Variants in VOPP1 observed in about 807,000 individuals in gnomAD.
VOPP1 encodes VOPP1 WW domain binding protein.
A neutral mutation model predicts 23.5 loss-of-function variants in VOPP1; 8 were observed. That is an observed-to-expected ratio of 0.34 (90% CI 0.20 to 0.61). The LOEUF is 0.61. VOPP1 is among the 20% of genes least tolerant of loss of function. The pLI, the probability that VOPP1 is intolerant of heterozygous loss-of-function variation, is 0.78. For missense variants in VOPP1, 174 were observed against 238.1 expected (o/e 0.73, Z 1.77); for synonymous variants, 83 against 97.3 (o/e 0.85, Z 0.86).
intron 4 of VOPP1, among the ~76,000 whole-genome samples, chr7:55,462,837 T>C (rs988300516): frequency 6.7e-6 from 1 of 148,376 alleles, no homozygotes; most frequent in East Asian, 1.9e-4. Context: ...TTTGTATTTT[T>C]AGTAGAGACG....
intron 1 of VOPP1, among the ~76,000 whole-genome samples, chr7:55,567,121 TC>T (rs1798188397): frequency 6.6e-6 from 1 of 152,228 alleles, no homozygotes. Flanking sequence ...AACTGCCTCT[TC>T]TTTTCCCACT....
At chr7:55,538,139 C>T (rs1796912225) in intron 1 of VOPP1, among the ~76,000 whole-genome samples, 1 of 152,236 alleles carries the variant, frequency 6.6e-6, no homozygotes, top group African/African-American at 2.4e-5. Flanking sequence ...TCCTGCTGAT[C>T]CCCTCTAGAG....
At chr7:55,507,094 C>T (rs1293650510) in intron 2 of VOPP1, among the ~76,000 whole-genome samples, 1 of 152,204 alleles carries the variant, frequency 6.6e-6, no homozygotes, top group East Asian at 1.9e-4. Context: ...GAAGTCCCAG[C>T]CCATACATGT....
chr7:55,571,543 T>G (rs1798354319), intron 1 of VOPP1, among the ~76,000 whole-genome samples: 1 of 152,202 alleles, frequency 6.6e-6, no homozygotes, highest in African/African-American at 2.4e-5. Flanking sequence ...GTGAGAAGTA[T>G]GTGGCCCCAT....
chr7:55,459,290 G>C (rs1791442483), intron 4 of VOPP1, among the ~76,000 whole-genome samples: 1 of 152,088 alleles, frequency 6.6e-6, no homozygotes, highest in African/African-American at 2.4e-5. Context: ...TTTTGTTGAT[G>C]ATTTTTATGC....
intron 4 of VOPP1, among the ~76,000 whole-genome samples, chr7:55,446,525 A>G (rs1475063714): frequency 6.6e-6 from 1 of 152,156 alleles, no homozygotes; most frequent in African/African-American, 2.4e-5. Context: ...AAACAAAATA[A>G]TTTTAGAGCT....
At position 55,500,456 on chromosome 7, in the gene VOPP1, TC is replaced by T. The variant is rs544528650; in HGVS notation, c.114-2767del. Among the ~76,000 whole-genome samples, 14 of 152,270 alleles carry T rather than the reference TC, an allele frequency of 9.2e-5. No homozygotes were observed. The East Asian group carries it at 2.7e-3, about 29-fold the overall frequency. On this transcript the variant is annotated intron_variant, in intron 2 of 4. Coordinates refer to ENST00000285279, the MANE Select transcript of VOPP1 (RefSeq NM_030796.5). The stretch of plus-strand genomic sequence containing the variant: ...AATTCTGCCAACAACCCAAATCAAT[TC>T]GGAGGACTCCAAGCTCCAGGTGAGA...
chr7:55,440,968 G>A (rs550405413), intron 4 of VOPP1, among the ~76,000 whole-genome samples: 10 of 152,116 alleles, frequency 6.6e-5, no homozygotes, highest in African/African-American at 2.2e-4. Context: ...GAACACACCC[G>A]GATGACTCTG....
chr7:55,520,852 A>G (rs1584011744), intron 2 of VOPP1, among the ~76,000 whole-genome samples: 1 of 152,172 alleles, frequency 6.6e-6, no homozygotes, highest in East Asian at 1.9e-4. Flanking sequence ...ATCACAGAAC[A>G]GGGCACAGAA....
chr7:55,521,725 C>A, intron 1 of VOPP1: 1 of 982,836 alleles, frequency 1.0e-6, no homozygotes, highest in Non-Finnish European at 1.2e-6. Context: ...AGGGCCCAGC[C>A]CCACAGGGCA....
downstream of VOPP1, among the ~76,000 whole-genome samples, chr7:55,469,819 G>T (rs1436254071): frequency 6.6e-6 from 1 of 152,204 alleles, no homozygotes; most frequent in African/African-American, 2.4e-5. Flanking sequence ...CCCAGGGATG[G>T]ACACAGTTGT....
intron 4 of VOPP1, among the ~76,000 whole-genome samples, chr7:55,449,435 C>A (rs1243037806): frequency 1.3e-5 from 2 of 152,226 alleles, no homozygotes; most frequent in African/African-American, 4.8e-5. Context: ...GCTTCGGGGC[C>A]TGCCGGTGCC....
At chr7:55,492,505 T>C (rs78616515) in intron 3 of VOPP1, 87 bp from the exon 4 acceptor site, 19,888 of 1,443,056 alleles carry the variant, frequency 0.014, 168 homozygotes, top group Middle Eastern at 0.022. Flanking sequence ...CATGCACTCC[T>C]CGGGGGTCCG....
At chr7:55,506,106 C>G (rs558159235) in intron 2 of VOPP1, among the ~76,000 whole-genome samples, 40 of 152,258 alleles carry the variant, frequency 2.6e-4, no homozygotes, top group African/African-American at 9.6e-4. Flanking sequence ...CCTGACAAGC[C>G]CACCTCCCAT....
At chr7:55,547,396 G>A (rs1797413250) in intron 1 of VOPP1, among the ~76,000 whole-genome samples, 1 of 152,178 alleles carries the variant, frequency 6.6e-6, no homozygotes, top group African/African-American at 2.4e-5. Context: ...CACCAAGGCT[G>A]GGAGTGAAAT....
intron 1 of VOPP1, among the ~76,000 whole-genome samples, chr7:55,541,790 A>T (rs1327132766): frequency 6.6e-6 from 1 of 152,256 alleles, no homozygotes; most frequent in Non-Finnish European, 1.5e-5. Context: ...TTCATGCTAT[A>T]ACACAAGAGA....
intron 4 of VOPP1, among the ~76,000 whole-genome samples, chr7:55,463,448 T>C (rs1181907593): frequency 6.6e-6 from 1 of 152,266 alleles, no homozygotes; most frequent in Non-Finnish European, 1.5e-5. Flanking sequence ...CTTTTCCTGA[T>C]AGATGTATCT....
intron 1 of VOPP1, among the ~76,000 whole-genome samples, chr7:55,548,976 T>G (rs1000035364): frequency 1.3e-5 from 2 of 152,152 alleles, no homozygotes; most frequent in African/African-American, 4.8e-5. Flanking sequence ...ACAGTGAGAC[T>G]GGCCATCTGG....
intron 1 of VOPP1, among the ~76,000 whole-genome samples, chr7:55,541,582 A>T (rs1797135874): frequency 6.6e-6 from 1 of 152,244 alleles, no homozygotes; most frequent in African/African-American, 2.4e-5. Context: ...CAGTCATCAC[A>T]TAACCTAGCA....
Sources: gnomAD v4.1 joint callset for allele counts (sites outside exome capture counted in the v4.1 genomes callset) on GRCh38, gnomAD v4.1.1 for gene constraint, MANE v1.5 for transcripts, NCBI Gene and HGNC (gene_info 2026-07-23, HGNC 2026-07-21) for gene names.